Variants in NLGN4X observed in about 807,000 individuals in gnomAD.
NLGN4X encodes neuroligin 4 X-linked.
In NLGN4X, 3 loss-of-function variants were observed where a neutral mutation model predicts 40.3. The ratio of observed to expected loss-of-function variants is 0.07; its 90% confidence interval spans 0.03 to 0.19. The LOEUF is 0.19. NLGN4X is among the 10% of genes least tolerant of loss of function. The pLI, the probability that NLGN4X is intolerant of heterozygous loss-of-function variation, is 1.00. For synonymous variants in NLGN4X, 270 were observed against 306.8 expected (o/e 0.88, Z 1.25); for missense variants, 382 against 708.3 (o/e 0.54, Z 5.23).
intron 3 of NLGN4X, among the ~76,000 whole-genome samples, chrX:5,922,840 G>A (rs764447299): frequency 9.0e-6 from 1 of 110,677 alleles, no homozygotes; most frequent in South Asian, 3.9e-4. Flanking sequence ...ACCAGCCTGG[G>A]CGACAGAGGG....
At chrX:6,175,669 A>C (rs1366314059) in intron 1 of NLGN4X, among the ~76,000 whole-genome samples, 1 of 108,300 alleles carries the variant, frequency 9.2e-6, no homozygotes, top group African/African-American at 3.4e-5. Flanking sequence ...AAAAAAAAAA[A>C]AAAACAAGAT....
chrX:6,130,980 T>C (rs1327396718), intron 2 of NLGN4X, among the ~76,000 whole-genome samples: 1 of 111,966 alleles, frequency 8.9e-6, no homozygotes, highest in African/African-American at 3.2e-5. Context: ...CACTTCCTAA[T>C]GGCTACAGCA....
At chrX:5,967,204 T>C (rs2034859327) in intron 3 of NLGN4X, among the ~76,000 whole-genome samples, 1 of 111,985 alleles carries the variant, frequency 8.9e-6, no homozygotes, top group Non-Finnish European at 1.9e-5. Context: ...CATTTACTCC[T>C]TTCTTGTGCC....
intron 3 of NLGN4X, among the ~76,000 whole-genome samples, chrX:5,966,708 C>T (rs2034844998): frequency 8.9e-6 from 1 of 111,956 alleles, no homozygotes; most frequent in Admixed American, 9.5e-5. Flanking sequence ...ACAAGCATTG[C>T]AACTACACAT....
intron 3 of NLGN4X, among the ~76,000 whole-genome samples, chrX:5,979,755 T>A (rs760497513): frequency 4.0e-5 from 4 of 101,220 alleles, no homozygotes; most frequent in African/African-American, 1.7e-4. Flanking sequence ...TACATATATA[T>A]GTGTATATAT....
chrX:6,024,519 G>A (rs1314445145), intron 3 of NLGN4X, among the ~76,000 whole-genome samples: 1 of 110,756 alleles, frequency 9.0e-6, no homozygotes, highest in African/African-American at 3.3e-5. Flanking sequence ...GCCACAGGAT[G>A]AGACAGGAGG....
At chrX:5,975,562 G>A (rs1426724699) in intron 3 of NLGN4X, among the ~76,000 whole-genome samples, 1 of 102,955 alleles carries the variant, frequency 9.7e-6, no homozygotes, top group Non-Finnish European at 2.0e-5. Context: ...GCAGTGAGCT[G>A]AGATGGCGCC....
At chrX:5,928,948 T>C (rs762096784) in intron 3 of NLGN4X, among the ~76,000 whole-genome samples, 1 of 109,893 alleles carries the variant, frequency 9.1e-6, no homozygotes, top group African/African-American at 3.3e-5. Context: ...GTCTCCTGAG[T>C]AGCTGGGACT....
chrX:6,137,929 C>T (rs1200202039), intron 2 of NLGN4X, among the ~76,000 whole-genome samples: 4 of 111,862 alleles, frequency 3.6e-5, no homozygotes, highest in East Asian at 2.8e-4. Flanking sequence ...TTCTATCACA[C>T]ATGTATGCTG....
At chrX:6,067,552 A>G (rs2037952945) in intron 2 of NLGN4X, among the ~76,000 whole-genome samples, 1 of 111,427 alleles carries the variant, frequency 9.0e-6, no homozygotes, top group African/African-American at 3.3e-5. Context: ...GCAATGTTCC[A>G]TGTTCTGCAC....
intron 2 of NLGN4X, among the ~76,000 whole-genome samples, chrX:6,116,391 CTTTTTTTTTTTTTTTTTTTTTT>C (rs1157468420): frequency 7.3e-3 from 163 of 22,264 alleles, no homozygotes; most frequent in African/African-American, 0.027. Context: ...ACCTTTCTTT[CTTTTTTTTTTTTTTTTTTTTTT>C]TTTTTTTTTT....
At chrX:5,906,660 G>A (rs1041424979) in intron 4 of NLGN4X, among the ~76,000 whole-genome samples, 1 of 110,551 alleles carries the variant, frequency 9.0e-6, no homozygotes, top group East Asian at 2.9e-4. Context: ...ACAAGCATGC[G>A]CCACCAGGCC....
chrX:5,984,325 T>C (rs1220643140), intron 3 of NLGN4X, among the ~76,000 whole-genome samples: 1 of 109,652 alleles, frequency 9.1e-6, no homozygotes, highest in Non-Finnish European at 1.9e-5. Context: ...AGATTATAGG[T>C]CTTGAGAAAA....
chrX:6,158,614 G>A (rs150761479), intron 1 of NLGN4X, among the ~76,000 whole-genome samples: 4,055 of 112,232 alleles, frequency 0.036, 173 homozygotes, highest in African/African-American at 0.12. Flanking sequence ...AACATGCACG[G>A]AAATGTCCAC....
At chrX:6,032,706 G>T (rs781607380) in intron 2 of NLGN4X, 4 of 1,189,592 alleles carry the variant, frequency 3.4e-6, no homozygotes, top group African/African-American at 3.5e-5. Flanking sequence ...TCTTCACCAC[G>T]GTCATTACTC....
chrX:5,953,732 T>C (rs1468281058), intron 3 of NLGN4X, among the ~76,000 whole-genome samples: 1 of 112,435 alleles, frequency 8.9e-6, no homozygotes, highest in Non-Finnish European at 1.9e-5. Flanking sequence ...CGTGTTCGCC[T>C]GTAATATGCT....
At chrX:5,906,535 G>A (rs770810979) in intron 4 of NLGN4X, among the ~76,000 whole-genome samples, 1 of 111,180 alleles carries the variant, frequency 9.0e-6, no homozygotes, top group South Asian at 3.9e-4. Context: ...TATGTATGTT[G>A]AGACAGGGTC....
chrX:6,039,405 A>G (rs777830365), intron 2 of NLGN4X, among the ~76,000 whole-genome samples: 85 of 112,063 alleles, frequency 7.6e-4, no homozygotes, highest in Non-Finnish European at 1.4e-3. Flanking sequence ...AGCCAAGACC[A>G]AAATAAATTT....
chrX:5,907,136 C>G (rs1297777693), intron 4 of NLGN4X, among the ~76,000 whole-genome samples: 1 of 111,157 alleles, frequency 9.0e-6, no homozygotes, highest in Non-Finnish European at 1.9e-5. Context: ...CAGTGTGGTG[C>G]CATTCTGAAG....
Sources: allele counts gnomAD v4.1 joint callset (sites outside exome capture counted in the v4.1 genomes callset), GRCh38; gene constraint gnomAD v4.1.1; transcripts MANE v1.5; gene names NCBI Gene and HGNC (gene_info 2026-07-23, HGNC 2026-07-21).